ROBO2: variants seen among roughly 807,000 people sequenced by gnomAD.
ROBO2 encodes roundabout guidance receptor 2, also known as roundabout homolog 2.
In ROBO2, 53 loss-of-function variants were observed where a neutral mutation model predicts 160.8. The ratio of observed to expected loss-of-function variants is 0.33; its 90% CI spans 0.26 to 0.41. The LOEUF (loss-of-function observed/expected upper bound fraction) is 0.41. Ranked by LOEUF, ROBO2 falls within the 10% of genes least tolerant of loss-of-function variation. The pLI, the probability that ROBO2 is intolerant of heterozygous loss-of-function variation, is 1.00. For missense variants in ROBO2, 1,577 were observed against 1,722.4 expected (o/e 0.92, Z 1.49); for synonymous variants, 664 against 611.7 (o/e 1.09, Z -1.26).
In ROBO2 at chr3:76,270,425, T is replaced by C. The variant is rs1340571212; in HGVS notation, c.109+332823T>C. Reference sequence around the variant, plus strand: ...ATTATGTCTTCCAATTTTGTATAATTCCCCATATTCTAGTTGAGAGATTAT... The same window carrying C: ...ATTATGTCTTCCAATTTTGTATAATCCCCCATATTCTAGTTGAGAGATTAT... On this transcript the variant is annotated intron_variant, in intron 2 of 26. Transcript: ENST00000487694. Among the ~76,000 whole-genome samples the C allele has an allele frequency of 2.0e-5, 3 of 152,004 alleles. No individual in the cohort carries two copies. In the East Asian group the frequency reaches 5.8e-4, roughly 29 times the overall value.
intron 2 of ROBO2, among the ~76,000 whole-genome samples, chr3:77,430,786 G>A (rs895878895): frequency 6.6e-6 from 1 of 152,128 alleles, no homozygotes; most frequent in African/African-American, 2.4e-5. Flanking sequence ...CCAGTGTAAG[G>A]TATTTTAGTT....
rs1405528159 is a variant in ROBO2 at position 76,788,057 on chromosome 3, T to TATC, written c.110-309955_110-309953dup. 1.1e-4 allele frequency among the ~76,000 whole-genome samples: 17 copies of TATC among 151,462 alleles called. No homozygotes were observed. In the East Asian group the frequency reaches 3.1e-3, roughly 28 times the overall value. ...AAACAAACAAGACTTTTTTTTTTCT[T>TATC]ATCAACCTTCCCATCATATTTCCAA... On this transcript the variant is annotated intron_variant, in intron 2 of 26. Transcript: ENST00000487694.
chr3:77,434,771 G>T (rs946416411), intron 2 of ROBO2, among the ~76,000 whole-genome samples: 4 of 151,958 alleles, frequency 2.6e-5, no homozygotes, highest in African/African-American at 7.2e-5. Context: ...TGGTGTTAAG[G>T]GTCAAATTGA....
chr3:77,407,504 AG>A (rs747239853), intron 2 of ROBO2, among the ~76,000 whole-genome samples: 4 of 152,186 alleles, frequency 2.6e-5, no homozygotes, highest in Non-Finnish European at 5.9e-5. Context: ...GATCTTTTGG[AG>A]GAGTTAAGGG....
intron 9 of ROBO2, among the ~76,000 whole-genome samples, chr3:77,560,050 G>T (rs775770): frequency 0.42 from 64,004 of 151,878 alleles, 13,465 homozygotes; most frequent in Middle Eastern, 0.51. Flanking sequence ...GGCCATAGAG[G>T]TTAATGCATT....
At chr3:76,971,531 A>G (rs1451526381) in intron 2 of ROBO2, among the ~76,000 whole-genome samples, 2 of 151,064 alleles carry the variant, frequency 1.3e-5, no homozygotes, top group African/African-American at 4.9e-5. Flanking sequence ...TGCCAGAAAT[A>G]GACATCTCTA....
chr3:76,313,031 A>G, intron 2 of ROBO2, among the ~76,000 whole-genome samples: 1 of 152,232 alleles, frequency 6.6e-6, no homozygotes, highest in East Asian at 1.9e-4. Context: ...GCTCAGCTAG[A>G]AATTTGCTAG....
intron 2 of ROBO2, among the ~76,000 whole-genome samples, chr3:76,492,817 C>T (rs577101669): frequency 7.2e-5 from 11 of 152,076 alleles, no homozygotes; most frequent in African/African-American, 1.2e-4. Flanking sequence ...AGAAAGAACA[C>T]GACTGAATGA....
chr3:76,248,874 AC>A (rs964354899), intron 2 of ROBO2, among the ~76,000 whole-genome samples: 8 of 150,662 alleles, frequency 5.3e-5, no homozygotes, highest in Admixed American at 4.0e-4. Flanking sequence ...TAGCCTGCTT[AC>A]CTGAGTCTCT....
chr3:77,455,229 A>G (rs540166174), intron 2 of ROBO2, among the ~76,000 whole-genome samples: 1 of 152,292 alleles, frequency 6.6e-6, no homozygotes, highest in Non-Finnish European at 1.5e-5. Context: ...CATACCTTTG[A>G]GAAGGAAATA....
intron 2 of ROBO2, among the ~76,000 whole-genome samples, chr3:76,449,145 A>G (rs2077346587): frequency 6.6e-6 from 1 of 152,172 alleles, no homozygotes; most frequent in Non-Finnish European, 1.5e-5. Context: ...TGTCCCCTTA[A>G]TAGAAAAAAT....
rs1159568357 is a variant in ROBO2 at position 75,944,125 on chromosome 3, A to G, written c.109+6523A>G. 2.0e-5 allele frequency among the ~76,000 whole-genome samples: 3 copies of G among 152,286 alleles called. No individual in the cohort carries two copies. The East Asian group carries it at 5.8e-4, about 29-fold the overall frequency. On this transcript the variant is annotated intron_variant, in intron 2 of 26. Transcript: ENST00000487694. Reference sequence around the variant, plus strand: ...AAAGTAGGAATAGAATGGCAGAAGGAAAGAGGTTCCTTCTACAAGCAGGCA... The same window carrying G: ...AAAGTAGGAATAGAATGGCAGAAGGGAAGAGGTTCCTTCTACAAGCAGGCA...
At chr3:76,940,014 CT>C (rs1178471061) in intron 2 of ROBO2, among the ~76,000 whole-genome samples, 1 of 128,986 alleles carries the variant, frequency 7.8e-6, no homozygotes, top group African/African-American at 3.2e-5. Context: ...CGGAGTCTCG[CT>C]GTGTCACCCA....
intron 2 of ROBO2, among the ~76,000 whole-genome samples, chr3:76,536,492 T>C (rs1264782167): frequency 6.6e-6 from 1 of 152,110 alleles, no homozygotes; most frequent in East Asian, 1.9e-4. Context: ...GTCTTTACCT[T>C]GGGTACCTTC....
chr3:76,856,531 T>G (rs1198240675), intron 2 of ROBO2, among the ~76,000 whole-genome samples: 2 of 152,160 alleles, frequency 1.3e-5, no homozygotes, highest in Non-Finnish European at 2.9e-5. Flanking sequence ...ATCTTTAGCC[T>G]TCTTCATCTA....
chr3:76,628,516 A>G (rs980845371), intron 2 of ROBO2, among the ~76,000 whole-genome samples: 1 of 148,800 alleles, frequency 6.7e-6, no homozygotes, highest in Non-Finnish European at 1.5e-5. Context: ...AATCACCTTC[A>G]GCTCCCAAAC....
chr3:76,008,094 T>C (rs1350081473), intron 2 of ROBO2, among the ~76,000 whole-genome samples: 1 of 151,536 alleles, frequency 6.6e-6, no homozygotes, highest in Admixed American at 6.6e-5. Flanking sequence ...ATTACCTGGG[T>C]GTGGTAGTGG....
At chr3:76,024,801 A>G (rs1423762153) in intron 2 of ROBO2, among the ~76,000 whole-genome samples, 3 of 151,520 alleles carry the variant, frequency 2.0e-5, no homozygotes, top group Non-Finnish European at 3.0e-5. Flanking sequence ...TCCTCTTTGT[A>G]TTGGTGAAAT....
At chr3:76,268,494 G>C (rs974801624) in intron 2 of ROBO2, among the ~76,000 whole-genome samples, 1 of 151,968 alleles carries the variant, frequency 6.6e-6, no homozygotes, top group Non-Finnish European at 1.5e-5. Flanking sequence ...CTTCTCACTT[G>C]CAGATGGCCA....
Sources: allele counts gnomAD v4.1 joint callset (sites outside exome capture counted in the v4.1 genomes callset), GRCh38; gene constraint gnomAD v4.1.1; transcripts MANE v1.5; gene names NCBI Gene and HGNC (gene_info 2026-07-23, HGNC 2026-07-21).